The following NRXN1 variants were observed in gnomAD, a reference collection of about 807,000 sequenced individuals.
The protein encoded by NRXN1 is neurexin-1.
A neutral mutation model predicts 150.9 loss-of-function variants in NRXN1; 39 were observed. That is an observed-to-expected ratio of 0.26 (90% CI 0.20 to 0.34). NRXN1 has a LOEUF of 0.34. NRXN1 is among the 10% of genes least tolerant of loss of function. NRXN1 has a pLI of 1.00. For synonymous variants in NRXN1, 924 were observed against 757.0 expected, an observed-to-expected ratio of 1.22 and a Z score of -3.62; for missense variants, 1,815 against 1,949.9, an observed-to-expected ratio of 0.93 and a Z score of 1.30.
chr2:50,474,069 T>G (rs1308705268), intron 15 of NRXN1, among the ~76,000 whole-genome samples: 1 of 151,984 alleles, frequency 6.6e-6, no homozygotes, highest in African/African-American at 2.4e-5. Context: ...CAAAGTCTAC[T>G]GACTATTAAC....
intron 2 of NRXN1, among the ~76,000 whole-genome samples, chr2:51,020,674 C>T (rs1330960783): frequency 6.6e-6 from 1 of 151,912 alleles, no homozygotes; most frequent in Non-Finnish European, 1.5e-5. Flanking sequence ...TATTAGTAGT[C>T]TGATTAGGTG....
intron 19 of NRXN1, among the ~76,000 whole-genome samples, chr2:50,058,768 C>T (rs757794779): frequency 3.3e-5 from 5 of 151,994 alleles, no homozygotes; most frequent in Non-Finnish European, 5.9e-5. Context: ...GTAAATAAGT[C>T]TCACAAGACC....
intron 21 of NRXN1, among the ~76,000 whole-genome samples, chr2:50,002,496 T>C (rs932290912): frequency 1.3e-5 from 2 of 152,134 alleles, no homozygotes; most frequent in African/African-American, 2.4e-5. Flanking sequence ...ATGTCAGTGA[T>C]AGTTGTTTTT....
intron 8 of NRXN1, among the ~76,000 whole-genome samples, chr2:50,555,016 T>C (rs1197909131): frequency 6.6e-6 from 1 of 152,190 alleles, no homozygotes; most frequent in Non-Finnish European, 1.5e-5. Context: ...AGGATTGCCT[T>C]TCTTTGGAGA....
chr2:50,348,058 T>C (rs2078172212), intron 17 of NRXN1, among the ~76,000 whole-genome samples: 1 of 152,216 alleles, frequency 6.6e-6, no homozygotes, highest in African/African-American at 2.4e-5. Flanking sequence ...GGTTTAGATG[T>C]AACCAGTGTC....
At chr2:50,655,098 A>G (rs532635428) in intron 5 of NRXN1, among the ~76,000 whole-genome samples, 8 of 152,044 alleles carry the variant, frequency 5.3e-5, no homozygotes, top group African/African-American at 1.7e-4. Flanking sequence ...TATGTGGCCA[A>G]TTTTAGAGAT....
intron 5 of NRXN1, among the ~76,000 whole-genome samples, chr2:50,713,436 T>C (rs1240900323): frequency 6.6e-6 from 1 of 152,174 alleles, no homozygotes; most frequent in African/African-American, 2.4e-5. Context: ...GATAACATTT[T>C]ACGAATTCAA....
intron 5 of NRXN1, among the ~76,000 whole-genome samples, chr2:50,698,211 T>C (rs1414715550): frequency 1.3e-5 from 2 of 152,212 alleles, no homozygotes. Context: ...GTTGACAGTA[T>C]AAGACAGAAG....
rs181503702 is a variant in NRXN1, at chr2:50,461,552, G to C, written c.3364+3890C>G. On this transcript the variant is annotated intron_variant, in intron 17 of 22. Coordinates refer to ENST00000401669, the MANE Select transcript of NRXN1 (RefSeq NM_001330078.2). ...AAAAGGAGAAAAGGATTATTGTGTA[G>C]CACACTGGTGTGATGATGGTGGACG... Among the ~76,000 whole-genome samples, 14 of 152,134 alleles carry C rather than the reference G, an allele frequency of 9.2e-5. No homozygotes were observed. The East Asian group carries it at 2.3e-3, about 25-fold the overall frequency.
chr2:50,281,663 C>G (rs2152933509), intron 17 of NRXN1, among the ~76,000 whole-genome samples: 1 of 152,124 alleles, frequency 6.6e-6, no homozygotes, highest in African/African-American at 2.4e-5. Context: ...ACCAAGAGCT[C>G]AAAGATGATA....
chr2:50,479,772 T>TTTTC, intron 15 of NRXN1, among the ~76,000 whole-genome samples: 1 of 121,780 alleles, frequency 8.2e-6, no homozygotes, highest in Non-Finnish European at 1.7e-5. Flanking sequence ...TTTTTCTTTT[T>TTTTC]TTTTTTTTTT....
chr2:49,958,144 A>G (rs1675304622), intron 21 of NRXN1, among the ~76,000 whole-genome samples: 1 of 152,122 alleles, frequency 6.6e-6, no homozygotes, highest in Non-Finnish European at 1.5e-5. Context: ...AATTTTGCTA[A>G]TTGTCTTCTT....
chr2:50,380,830 T>C (rs1235327071), intron 17 of NRXN1, among the ~76,000 whole-genome samples: 1 of 152,180 alleles, frequency 6.6e-6, no homozygotes, highest in African/African-American at 2.4e-5. Context: ...CTGTCTTCTC[T>C]GAATTTCTAC....
chr2:50,410,667 A>G (rs1488884000), intron 17 of NRXN1, among the ~76,000 whole-genome samples: 1 of 152,116 alleles, frequency 6.6e-6, no homozygotes, highest in Non-Finnish European at 1.5e-5. Context: ...TAACTCACAA[A>G]TATTTCAGAA....
intron 9 of NRXN1, among the ~76,000 whole-genome samples, chr2:50,547,185 G>GGCTT (rs1558916290): frequency 6.6e-6 from 1 of 152,042 alleles, no homozygotes. Context: ...GTTAAATGTA[G>GGCTT]GCTTACCCAT....
chr2:50,679,304 C>T (rs775732743), intron 5 of NRXN1, among the ~76,000 whole-genome samples: 1 of 152,096 alleles, frequency 6.6e-6, no homozygotes, highest in Non-Finnish European at 1.5e-5. Context: ...GGCTGAGGTC[C>T]TCCCTTATTT....
intron 17 of NRXN1, among the ~76,000 whole-genome samples, chr2:50,459,177 T>C (rs937941181): frequency 3.9e-5 from 6 of 152,132 alleles, no homozygotes; most frequent in African/African-American, 1.2e-4. Flanking sequence ...AAAGATTTCA[T>C]AAATTATAAG....
In NRXN1 at chr2:50,283,297, TTTC is replaced by T. The variant is rs372906323; in HGVS notation, c.3365-46330_3365-46328del. Among the ~76,000 whole-genome samples the T allele has an allele frequency of 3.8e-3, 583 of 152,328 alleles. 8 individuals are homozygous for T. The highest frequency in any genetic ancestry group is 0.013 in the African/African-American group (544 of 41,588). On this transcript the variant is annotated intron_variant, in intron 17 of 22. Transcript: ENST00000401669. ...AAGATGTACTAAAAAGACAATAATC[TTTC>T]TTCAACAAAATTTAAAACTACCATC...
chr2:50,189,859 T>C (rs932953949), intron 18 of NRXN1, among the ~76,000 whole-genome samples: 13 of 152,194 alleles, frequency 8.5e-5, no homozygotes, highest in African/African-American at 2.9e-4. Context: ...TTTGGTTGAG[T>C]CTCATTCTGA....
Sources: allele counts gnomAD v4.1 joint callset (sites outside exome capture counted in the v4.1 genomes callset), GRCh38; gene constraint gnomAD v4.1.1; transcripts MANE v1.5; gene names NCBI Gene and HGNC (gene_info 2026-07-23, HGNC 2026-07-21).